PRKCQ: variants seen among roughly 807,000 people sequenced by gnomAD.
PRKCQ encodes protein kinase C theta.
PRKCQ carries 41 observed loss-of-function variants against 91.2 expected under a neutral mutation model. The observed-to-expected ratio is 0.45, with a 90% CI of 0.35 to 0.58. The LOEUF is 0.58. Ranked by LOEUF, PRKCQ falls within the 20% of genes least tolerant of loss-of-function variation. PRKCQ has a pLI of 0.00. For missense variants in PRKCQ, 673 were observed against 896.5 expected, an observed-to-expected ratio of 0.75 and a Z score of 3.18; for synonymous variants, 307 against 316.9, an observed-to-expected ratio of 0.97 and a Z score of 0.33.
At chr10:6,462,838 C>T (rs2132328799) in intron 13 of PRKCQ, among the ~76,000 whole-genome samples, 1 of 152,148 alleles carries the variant, frequency 6.6e-6, no homozygotes, top group Non-Finnish European at 1.5e-5. Flanking sequence ...AACACCATCT[C>T]TAGTAAAAAT....
chr10:6,399,088 A>C, the PRKCQ span, among the ~76,000 whole-genome samples: 2 of 152,214 alleles, frequency 1.3e-5, no homozygotes, highest in Non-Finnish European at 2.9e-5. Context: ...CACTGCACCC[A>C]GCCATTAAAG....
intron 15 of PRKCQ, among the ~76,000 whole-genome samples, chr10:6,446,731 G>A (rs920369360): frequency 1.3e-5 from 2 of 152,206 alleles, no homozygotes; most frequent in Admixed American, 1.3e-4. Context: ...TTCTCTCTCA[G>A]CCCCGGGACC....
intron 2 of PRKCQ, chr10:6,512,109 G>A (rs1358517008): frequency 1.3e-5 from 2 of 152,174 alleles, no homozygotes; most frequent in Non-Finnish European, 2.9e-5. Context: ...AGACATAGTG[G>A]CGTAATTTCA....
intron 1 of PRKCQ, among the ~76,000 whole-genome samples, chr10:6,532,647 A>G (rs1839434587): frequency 6.6e-6 from 1 of 152,228 alleles, no homozygotes; most frequent in Non-Finnish European, 1.5e-5. Flanking sequence ...ACATGACAGC[A>G]TTTTTTAACT....
chr10:6,457,301 T>G (rs1004583635), intron 14 of PRKCQ, among the ~76,000 whole-genome samples: 13 of 152,202 alleles, frequency 8.5e-5, no homozygotes, highest in Non-Finnish European at 1.8e-4. Flanking sequence ...CTTGGAGAAC[T>G]AGTATCCTCT....
At chr10:6,471,725 G>T (rs756091676) in intron 12 of PRKCQ, among the ~76,000 whole-genome samples, 1 of 152,140 alleles carries the variant, frequency 6.6e-6, no homozygotes, top group Non-Finnish European at 1.5e-5. Flanking sequence ...ACTCCAATCT[G>T]GGCGACAGAG....
chr10:6,553,745 C>T (rs1840301527), intron 1 of PRKCQ, among the ~76,000 whole-genome samples: 3 of 152,124 alleles, frequency 2.0e-5, no homozygotes, highest in Admixed American at 6.5e-5. Flanking sequence ...TTGCGGTATG[C>T]ACATATCTTC....
At chr10:6,402,766 C>T in the PRKCQ span, among the ~76,000 whole-genome samples, 1 of 152,116 alleles carries the variant, frequency 6.6e-6, no homozygotes, top group Non-Finnish European at 1.5e-5. Context: ...AAAAATTAGC[C>T]AAGTGTGGTC....
chr10:6,565,931 C>T (rs1431963613), intron 1 of PRKCQ, among the ~76,000 whole-genome samples: 1 of 152,160 alleles, frequency 6.6e-6, no homozygotes, highest in Non-Finnish European at 1.5e-5. Flanking sequence ...AAATAGGTCC[C>T]CAGTAAAATG....
chr10:6,472,498 A>G (rs1836037755), intron 12 of PRKCQ, among the ~76,000 whole-genome samples: 1 of 152,232 alleles, frequency 6.6e-6, no homozygotes. Context: ...TTTCCCATAA[A>G]TTACTGTGTG....
chr10:6,428,769 G>A (rs769749758), intron 17 of PRKCQ, among the ~76,000 whole-genome samples: 1 of 152,094 alleles, frequency 6.6e-6, no homozygotes, highest in Non-Finnish European at 1.5e-5. Flanking sequence ...GGGTGTGAGC[G>A]GAGGGATGGG....
chr10:6,425,226 T>G (rs1486781065), downstream of PRKCQ, among the ~76,000 whole-genome samples: 1 of 39,618 alleles, frequency 2.5e-5, no homozygotes, highest in African/African-American at 5.8e-5. Flanking sequence ...CTCTCCTCTA[T>G]TTTTTTTTTT....
chr10:6,485,666 T>C (rs1836865585), intron 9 of PRKCQ, among the ~76,000 whole-genome samples: 1 of 152,228 alleles, frequency 6.6e-6, no homozygotes, highest in Non-Finnish European at 1.5e-5. Flanking sequence ...AAATTTGCCC[T>C]GGACTCGGTG....
rs185202129 is a variant in PRKCQ, at chr10:6,489,318, G to A, written c.790+2365C>T. ...CTCCTTAAAACTGTAGCCACATCTA[G>A]GCTTCTCTGTGACTTGCATGGCCGC... is the stretch of plus-strand genomic sequence containing the variant. On this transcript the variant is annotated intron_variant, in intron 8 of 17. Coordinates refer to ENST00000263125, the MANE Select transcript of PRKCQ (RefSeq NM_006257.5). 313 of 475,936 alleles carry A rather than the reference G, an allele frequency of 6.6e-4. 1 individual carries two copies. Among genetic ancestry groups the A allele is most frequent in the African/African-American group, 5.9e-3 (296 of 50,458 alleles). The allele number at this position is 475,936 out of a possible 1,614,324, so 29.5% of individuals were successfully genotyped here. A position where few individuals can be genotyped will look rare whatever the true frequency, so the allele number is the denominator to read the frequency against.
At position 6,485,146 on chromosome 10, in the gene PRKCQ, A is replaced by G. The variant is rs192601699; in HGVS notation, c.1018+6T>C. ...CAGTGATTAGACTGCTGATCAGGAC[A>G]GCTACCTCTTTTTCCCGGTGTCGGT... On this transcript the variant is annotated splice_donor_region_variant and intron_variant, in intron 10 of 17. Transcript: ENST00000263125. 6.2e-7 allele frequency: 1 copy of G among 1,609,660 alleles called. No homozygotes were observed. Among genetic ancestry groups the G allele is most frequent in the East Asian group, 2.2e-5 (1 of 44,826 alleles).
At chr10:6,437,381 C>T (rs1022722931) in intron 16 of PRKCQ, among the ~76,000 whole-genome samples, 1 of 152,094 alleles carries the variant, frequency 6.6e-6, no homozygotes, top group African/African-American at 2.4e-5. Flanking sequence ...TGTCTACCAG[C>T]CAGGAAGAGA....
intron 12 of PRKCQ, among the ~76,000 whole-genome samples, chr10:6,464,812 G>T (rs1040318930): frequency 6.6e-6 from 1 of 152,214 alleles, no homozygotes; most frequent in Non-Finnish European, 1.5e-5. Context: ...AAATGGATTA[G>T]ATCATTTCAG....
the PRKCQ span, among the ~76,000 whole-genome samples, chr10:6,401,105 C>T: frequency 6.6e-6 from 1 of 152,188 alleles, no homozygotes; most frequent in South Asian, 2.1e-4. Context: ...GAAATAAGAC[C>T]CTCTGAGTGG....
At chr10:6,428,959 A>AAAACC (rs1588639099) in intron 17 of PRKCQ, among the ~76,000 whole-genome samples, 1 of 152,242 alleles carries the variant, frequency 6.6e-6, no homozygotes, top group Admixed American at 6.5e-5. Flanking sequence ...CAAAAAAACC[A>AAAACC]AAACCAAACC....
Sources: allele counts gnomAD v4.1 joint callset (sites outside exome capture counted in the v4.1 genomes callset), GRCh38; gene constraint gnomAD v4.1.1; transcripts MANE v1.5; gene names NCBI Gene and HGNC (gene_info 2026-07-23, HGNC 2026-07-21).